NR1H4: variants seen among roughly 807,000 people sequenced by gnomAD.
NR1H4 encodes nuclear receptor subfamily 1 group H member 4.
A neutral mutation model predicts 58.5 loss-of-function variants in NR1H4; 23 were observed. The ratio of observed to expected loss-of-function variants is 0.39; its 90% CI spans 0.28 to 0.56. NR1H4 has a LOEUF of 0.56. Among genes scored for constraint, NR1H4 ranks in the 20% least tolerant of loss-of-function variants. The pLI is 0.58. For synonymous variants in NR1H4, 214 were observed against 198.0 expected (o/e 1.08, Z -0.68); for missense variants, 487 against 576.9 (o/e 0.84, Z 1.60).
chr12:100,509,352 A>G (rs1808459922), intron 3 of NR1H4, among the ~76,000 whole-genome samples: 1 of 152,218 alleles, frequency 6.6e-6, no homozygotes. Context: ...CTAAAGAGCC[A>G]TAGTTGATGT....
At chr12:100,518,824 G>A (rs142050277) in intron 4 of NR1H4, among the ~76,000 whole-genome samples, 33 of 126,128 alleles carry the variant, frequency 2.6e-4, no homozygotes, top group African/African-American at 8.7e-4. Flanking sequence ...ATGGACTCTC[G>A]CTCTGTCACC....
chr12:100,549,666 T>C (rs1389148044), intron 9 of NR1H4, among the ~76,000 whole-genome samples: 1 of 152,174 alleles, frequency 6.6e-6, no homozygotes, highest in East Asian at 1.9e-4. Flanking sequence ...GAATGAAGTT[T>C]TCCAGAATAT....
intron 3 of NR1H4, among the ~76,000 whole-genome samples, chr12:100,504,859 A>G (rs1020516825): frequency 1.3e-5 from 2 of 152,232 alleles, no homozygotes; most frequent in African/African-American, 4.8e-5. Flanking sequence ...AACAAAAGAA[A>G]TGATTGTATG....
chr12:100,504,029 G>C (rs1226171600), intron 3 of NR1H4, among the ~76,000 whole-genome samples: 1 of 151,728 alleles, frequency 6.6e-6, no homozygotes, highest in African/African-American at 2.4e-5. Context: ...AGGGATATGA[G>C]ATAAAATGTA....
intron 4 of NR1H4, among the ~76,000 whole-genome samples, chr12:100,513,092 G>A (rs921920622): frequency 1.3e-5 from 2 of 152,138 alleles, no homozygotes; most frequent in Non-Finnish European, 2.9e-5. Flanking sequence ...CCTTCAGAAT[G>A]TCCTTAACCT....
chr12:100,534,183 G>A (rs1248716579), intron 5 of NR1H4, among the ~76,000 whole-genome samples: 1 of 152,154 alleles, frequency 6.6e-6, no homozygotes, highest in African/African-American at 2.4e-5. Flanking sequence ...GTGAGCCACC[G>A]CGCCCGGCCT....
chr12:100,530,554 G>A (rs955310011), intron 4 of NR1H4, among the ~76,000 whole-genome samples: 13 of 152,130 alleles, frequency 8.5e-5, no homozygotes, highest in Non-Finnish European at 1.8e-4. Flanking sequence ...ATTTCACAGT[G>A]GATATTCAAG....
At chr12:100,537,184 T>A in intron 8 of NR1H4, 137 bp downstream of exon 8, 1 of 637,262 alleles carries the variant, frequency 1.6e-6, no homozygotes, top group Non-Finnish European at 2.8e-6. Flanking sequence ...ACTATTACTT[T>A]GCCAAGTATT....
intron 9 of NR1H4, among the ~76,000 whole-genome samples, chr12:100,542,893 A>G (rs1320475322): frequency 1.3e-5 from 2 of 151,184 alleles, no homozygotes; most frequent in Admixed American, 6.6e-5. Context: ...TAGTCTAACA[A>G]ATATTTAAGG....
In NR1H4 at chr12:100,563,265, A is replaced by T; in HGVS notation, c.1207A>T (p.Lys403Ter). The change falls in exon 11 of 11, where the codon AAG becomes TAG. Residue 403 changes from lysine to a stop codon, truncating the protein, a stop_gained. Coordinates refer to ENST00000392986, the MANE Select transcript of NR1H4 (RefSeq NM_001206979.2). LOFTEE classifies it high-confidence loss of function. ...CTTCAAAACAGATAGACAATACATAAAGGATAGAGAGGCAGTAGAGAAGCT... is the reference window on the plus strand; with the variant it reads ...CTTCAAAACAGATAGACAATACATATAGGATAGAGAGGCAGTAGAGAAGCT... ...VILSPDRQYI[K>*]DREAVEKLQE... 1 of 1,612,926 alleles carries T rather than the reference A, an allele frequency of 6.2e-7. No individual in the cohort carries two copies.
At chr12:100,521,915 A>G (rs1036855680) in intron 4 of NR1H4, among the ~76,000 whole-genome samples, 12 of 152,166 alleles carry the variant, frequency 7.9e-5, no homozygotes, top group Non-Finnish European at 1.2e-4. Flanking sequence ...GTTCCAAACT[A>G]TTTCACTGCA....
At chr12:100,486,472 G>A (rs1175195897) in intron 1 of NR1H4, among the ~76,000 whole-genome samples, 4 of 152,122 alleles carry the variant, frequency 2.6e-5, no homozygotes, top group African/African-American at 9.7e-5. Flanking sequence ...AAGACTGAGA[G>A]GTGCAAGAGC....
chr12:100,538,343 C>A (rs1336801161), intron 8 of NR1H4, among the ~76,000 whole-genome samples: 1 of 151,858 alleles, frequency 6.6e-6, no homozygotes, highest in African/African-American at 2.4e-5. Flanking sequence ...CAAGTCCAGG[C>A]AACAGGGCTT....
chr12:100,505,540 A>G (rs1953939449), intron 3 of NR1H4: 2 of 697,118 alleles, frequency 2.9e-6, no homozygotes, highest in Middle Eastern at 2.3e-4. Flanking sequence ...AAACCTGGAG[A>G]CTGTCTAACC....
At chr12:100,486,724 A>G (rs1289202241) in intron 1 of NR1H4, among the ~76,000 whole-genome samples, 1 of 152,200 alleles carries the variant, frequency 6.6e-6, no homozygotes, top group Non-Finnish European at 1.5e-5. Context: ...TACAAGAAGT[A>G]ACTGCACGAT....
At chr12:100,555,595 A>G (rs1955304638) in intron 9 of NR1H4, among the ~76,000 whole-genome samples, 1 of 152,236 alleles carries the variant, frequency 6.6e-6, no homozygotes, top group African/African-American at 2.4e-5. Context: ...AGCTACTATT[A>G]TAATTATCTA....
Position 100,563,688 on chromosome 12 carries a change from C to T in NR1H4, c.*199C>T, listed in dbSNP as rs1955524315. On this transcript the variant is annotated 3_prime_UTR_variant, in exon 11 of 11. Transcript: ENST00000392986. ...TTTCTCTACATTGTGTTTTAAAAGG[C>T]TCCAGGGAATCCTGCATTCTAATTG... The T allele has an allele frequency of 1.7e-6, 1 of 579,258 alleles. No individual in the cohort carries two copies. Among genetic ancestry groups the T allele is most frequent in the South Asian group, 2.2e-5 (1 of 44,560 alleles). The allele number at this position is 579,258 out of a possible 1,614,324, so 35.9% of individuals were successfully genotyped here.
At chr12:100,561,494 GTTGT>G (rs1163827680) in intron 9 of NR1H4, among the ~76,000 whole-genome samples, 1 of 152,174 alleles carries the variant, frequency 6.6e-6, no homozygotes, top group African/African-American at 2.4e-5. Flanking sequence ...CTTTTTGTTA[GTTGT>G]TTAAGATGTG....
chr12:100,482,147 A>G (rs1031046520), intron 1 of NR1H4, among the ~76,000 whole-genome samples: 1 of 152,000 alleles, frequency 6.6e-6, no homozygotes, highest in African/African-American at 2.4e-5. Flanking sequence ...AAACAAAACA[A>G]TTTCCTGGGG....
Sources: gnomAD v4.1 joint callset for allele counts (sites outside exome capture counted in the v4.1 genomes callset) on GRCh38, gnomAD v4.1.1 for gene constraint, MANE v1.5 for transcripts, NCBI Gene and HGNC (gene_info 2026-07-23, HGNC 2026-07-21) for gene names.